Variants in CUL9 observed in about 807,000 individuals in gnomAD.
CUL9 encodes cullin 9, also known as cullin-9.
A neutral mutation model predicts 272.6 loss-of-function variants in CUL9; 79 were observed. The ratio of observed to expected loss-of-function variants is 0.29; its 90% confidence interval spans 0.24 to 0.35. The LOEUF (loss-of-function observed/expected upper bound fraction) is 0.35. CUL9 is among the 10% of genes least tolerant of loss of function. The pLI, the probability that CUL9 is intolerant of heterozygous loss-of-function variation, is 1.00. For missense variants in CUL9, 2,532 were observed against 3,255.6 expected (o/e 0.78, Z 5.41); for synonymous variants, 1,186 against 1,286.5 (o/e 0.92, Z 1.67).
chr6:43,184,511 G>A lies in CUL9; in HGVS notation c.201G>A (p.Leu67=), dbSNP rs1336999940. Residue 67 remains leucine, a synonymous_variant, in exon 2 of 41, where the codon CTG becomes CTA. Coordinates refer to ENST00000252050, the MANE Select transcript of CUL9 (RefSeq NM_015089.4). This position sits in a 1 kb window ranked among gnomAD's most constrained non-coding sequence, Gnocchi z 4.8. ...AAGCAGAGCACATCCTCATGTGGCT[G>A]TCGGCTCCTGAGGTCTACGCCAACT... ...EGKAEHILMW[L]SAPEVYANCP... is the part of the protein sequence containing the mutation. 6.2e-7 allele frequency: 1 copy of A among 1,612,740 alleles called. No homozygotes were observed. The highest frequency in any genetic ancestry group is 1.1e-5 in the South Asian group (1 of 90,934).
Position 43,199,452 on chromosome 6 carries a change from G to C in CUL9, c.3156+81G>C. 5 of 1,078,784 alleles carry C rather than the reference G, an allele frequency of 4.6e-6. No homozygotes were observed. Among genetic ancestry groups the C allele is most frequent in the Non-Finnish European group, 7.1e-6 (5 of 701,198 alleles). The allele number at this position is 1,078,784 out of a possible 1,614,324, so 66.8% of individuals were successfully genotyped here. ...TCCTTGTGAGGCTCTGGAGGGCACAGCAGAGCCTTTCTGAATGGATCTTGG... is the reference window on the plus strand; with the variant it reads ...TCCTTGTGAGGCTCTGGAGGGCACACCAGAGCCTTTCTGAATGGATCTTGG... On this transcript the variant is annotated intron_variant, in intron 13 of 40. Transcript: ENST00000252050. This position sits in a 1 kb window ranked among gnomAD's most constrained non-coding sequence, Gnocchi z 4.4.
In CUL9 at chr6:43,222,335, A is replaced by G; in HGVS notation, c.6866A>G (p.Gln2289Arg). 6.2e-7 allele frequency: 1 copy of G among 1,613,160 alleles called. No homozygotes were observed. The highest frequency in any genetic ancestry group is 8.5e-7 in the Non-Finnish European group (1 of 1,179,396). ...TGCTAGGTAAGCAAGGCAGCTCGCC[A>G]GGAGAAGCGGTTTCAGGACTATAAT... ...CSAMVSKAARQEKRFQDYNER... is the reference protein window; with the variant it reads ...CSAMVSKAARREKRFQDYNER... Residue 2289 changes from glutamine (Q) to arginine (R), a missense_variant, in exon 36 of 41, where the codon CAG (glutamine) becomes CGG (arginine). Coordinates refer to ENST00000252050, the MANE Select transcript of CUL9 (RefSeq NM_015089.4).
rs552782485 is a variant in CUL9, at chr6:43,215,272, G to A, written c.5882G>A (p.Arg1961Gln). The change falls in exon 30 of 41, where the codon CGG (arginine) becomes CAG (glutamine). Residue 1961 changes from arginine (R) to glutamine (Q), a missense_variant. This residue lies in a region of CUL9 where 2,218 missense variants were observed against 2,788.6 expected (regional missense o/e 0.80). Coordinates refer to ENST00000252050, the MANE Select transcript of CUL9 (RefSeq NM_015089.4). ...YAAPEPMGPCRGQADVPFCGS... is the reference protein window; with the variant it reads ...YAAPEPMGPCQGQADVPFCGS... ...GCTCCAGAGCCCATGGGGCCCTGCC[G>A]GGGTCAGGCAGATGTCCCTTTCTGT... 3.2e-5 allele frequency: 51 copies of A among 1,613,970 alleles called. No homozygotes were observed. The highest frequency in any genetic ancestry group is 2.7e-4 in the South Asian group (25 of 91,086).
In CUL9 at chr6:43,224,478, CCA is replaced by C. The variant is rs1562069021; in HGVS notation, c.*34_*35del. The stretch of plus-strand genomic sequence containing the variant: ...GATGCAGGAAACACCTAGAGCAGCC[CCA>C]GAGTCACGGGGCTGAGGGGGCGGGA... On this transcript the variant is annotated 3_prime_UTR_variant, in exon 41 of 41. Transcript: ENST00000252050. The surrounding 1 kb of genome is among the most constrained non-coding windows in gnomAD (Gnocchi z 4.2). 3.1e-6 allele frequency: 5 copies of C among 1,592,964 alleles called. No individual in the cohort carries two copies. The highest frequency in any genetic ancestry group is 1.3e-5 in the African/African-American group (1 of 74,240).
intron 21 of CUL9, 83 bp downstream of exon 21, chr6:43,204,622 T>C: frequency 6.3e-7 from 1 of 1,591,310 alleles, no homozygotes; most frequent in South Asian, 1.1e-5. Flanking sequence ...TTACTCTTGC[T>C]GCTTTGCTAC....
chr6:43,206,440 C>T lies in CUL9; in HGVS notation c.5142C>T (p.Tyr1714=). The stretch of plus-strand genomic sequence containing the variant: ...CCGTCTCCCCACTCTGCTACCTGTA[C>T]CATCCCAGAAAGTGCCTTCCCACAG... ...CWPVSPLCYL[Y]HPRKCLPTEF... The change falls in exon 26 of 41, where the codon TAC becomes TAT. Residue 1714 remains tyrosine (Y), a synonymous_variant. Transcript: ENST00000252050. This position sits in a 1 kb window ranked among gnomAD's most constrained non-coding sequence, Gnocchi z 4.8. 1.2e-6 allele frequency: 2 copies of T among 1,614,206 alleles called. No homozygotes were observed. The highest frequency in any genetic ancestry group is 2.2e-5 in the South Asian group (2 of 91,090).
chr6:43,193,259 T>C, intron 9 of CUL9, 51 bp downstream of exon 9: 1 of 1,543,598 alleles, frequency 6.5e-7, no homozygotes, highest in South Asian at 1.1e-5. Context: ...ACAGGCAGAC[T>C]GGGGACTACT....
intron 16 of CUL9, among the ~76,000 whole-genome samples, chr6:43,201,581 C>G (rs1774561195): frequency 1.3e-5 from 2 of 152,114 alleles, no homozygotes; most frequent in African/African-American, 4.8e-5. Context: ...CCGGGTTCAC[C>G]CCATTCTCCT....
Position 43,213,864 on chromosome 6 carries a change from C to G in CUL9, c.5640C>G (p.Leu1880=). 1 of 1,614,178 alleles carries G rather than the reference C, an allele frequency of 6.2e-7. No homozygotes were observed. The highest frequency in any genetic ancestry group is 8.5e-7 in the Non-Finnish European group (1 of 1,180,038). ...TGAGCTGTCTTCTTGTTCGTATTCTCAAAGCCCATGGGGAAAAGGGCCTCC... is the reference window on the plus strand; with the variant it reads ...TGAGCTGTCTTCTTGTTCGTATTCTGAAAGCCCATGGGGAAAAGGGCCTCC... The part of the protein sequence containing the change: ...NLLSCLLVRI[L]KAHGEKGLHI... Residue 1880 remains leucine (L), a synonymous_variant, in exon 29 of 41, where the codon CTC becomes CTG. Transcript: ENST00000252050. This position sits in a 1 kb window ranked among gnomAD's most constrained non-coding sequence, Gnocchi z 5.7.
chr6:43,196,374 C>A, intron 10 of CUL9, 109 bp downstream of exon 10: 1 of 1,117,240 alleles, frequency 9.0e-7, no homozygotes, highest in Non-Finnish European at 1.3e-6. Context: ...GCTGTCACCT[C>A]CGGATTAAGC....
chr6:43,187,711 A>G lies in CUL9; in HGVS notation c.1582-2A>G. 6.2e-7 allele frequency: 1 copy of G among 1,611,834 alleles called. No individual in the cohort carries two copies. The highest frequency in any genetic ancestry group is 1.1e-5 in the South Asian group (1 of 90,954). ...TTAAACGTATACCCCTTCTGTTGAC[A>G]GACCCTGGGTGAAAAGGCCCTAGGT... On this transcript the variant is annotated splice_acceptor_variant, in intron 6 of 40. Coordinates refer to ENST00000252050, the MANE Select transcript of CUL9 (RefSeq NM_015089.4). LOFTEE classifies it high-confidence loss of function.
At chr6:43,195,995 G>T in intron 9 of CUL9, 74 bp from the exon 10 acceptor site, 1 of 1,343,594 alleles carries the variant, frequency 7.4e-7, no homozygotes. Flanking sequence ...AAAGTTTGAG[G>T]TCTAGAATGA....
In CUL9 at chr6:43,221,801, AG is replaced by A. The variant is rs750565478; in HGVS notation, c.6846+26del. On this transcript the variant is annotated intron_variant, in intron 35 of 40. Coordinates refer to ENST00000252050, the MANE Select transcript of CUL9 (RefSeq NM_015089.4). The surrounding 1 kb of genome is among the most constrained non-coding windows in gnomAD (Gnocchi z 4.2). ...ATGGTAAGGCGCTGGGCACTAGGGG[AG>A]GGCAGAGGCCCAGAGCCGTCGGGGA... The A allele has an allele frequency of 3.1e-6, 5 of 1,603,566 alleles. No homozygotes were observed. The South Asian group carries it at 5.5e-5, about 18-fold the overall frequency.
rs752791502 is a variant in CUL9, at chr6:43,184,681, G to A, written c.371G>A (p.Arg124His). The change falls in exon 2 of 41, where the codon CGC becomes CAC. Residue 124 changes from arginine to histidine, a missense_variant. Around this residue, in one of 3 missense-constraint regions of CUL9, gnomAD observed 2,218 missense variants for 2,788.6 expected, o/e 0.80. Coordinates refer to ENST00000252050, the MANE Select transcript of CUL9 (RefSeq NM_015089.4). The surrounding 1 kb of genome is among the most constrained non-coding windows in gnomAD (Gnocchi z 4.8). ...GAGGCTGATGTTCAGGCGCTGGTACGCAGGGCGGCCAGGCAGCTGGCAGAA... is the reference window on the plus strand; with the variant it reads ...GAGGCTGATGTTCAGGCGCTGGTACACAGGGCGGCCAGGCAGCTGGCAGAA... ...EMEADVQALV[R>H]RAARQLAESG... The A allele has an allele frequency of 6.2e-7, 1 of 1,612,702 alleles. No homozygotes were observed. Among genetic ancestry groups the A allele is most frequent in the Non-Finnish European group, 8.5e-7 (1 of 1,178,778 alleles).
At chr6:43,191,910 C>CT (rs901802484) in intron 8 of CUL9, among the ~76,000 whole-genome samples, 206 of 139,102 alleles carry the variant, frequency 1.5e-3, no homozygotes, top group Admixed American at 1.7e-3. Flanking sequence ...ATGGTTCTTC[C>CT]TTTTTTTTTT....
rs1773669978 is a variant in CUL9, at chr6:43,193,022, G to C, written c.2202G>C (p.Leu734=). The C allele has an allele frequency of 6.2e-7, 1 of 1,614,014 alleles. No homozygotes were observed. Among genetic ancestry groups the C allele is most frequent in the African/African-American group, 1.3e-5 (1 of 74,944 alleles). ...TCAGAGAGAAGCTAGTGAAGATGCT[G>C]GTGGAGCTGCTGACCAACCAGGTGG... ...RSLREKLVKM[L]VELLTNQVGE... is the part of the protein sequence containing the mutation. The change falls in exon 9 of 41, where the codon CTG becomes CTC. Residue 734 remains leucine, a synonymous_variant. Transcript: ENST00000252050.
intron 1 of CUL9, among the ~76,000 whole-genome samples, chr6:43,182,492 G>A (rs1772483148): frequency 6.8e-6 from 1 of 146,470 alleles, no homozygotes; most frequent in South Asian, 2.1e-4. Flanking sequence ...GCTTGACCTT[G>A]CTATCTGCTG....
chr6:43,221,199 C>G lies in CUL9; in HGVS notation c.6630C>G (p.Val2210=), dbSNP rs182823976. 1 of 1,611,134 alleles carries G rather than the reference C, an allele frequency of 6.2e-7. No individual in the cohort carries two copies. Among genetic ancestry groups the G allele is most frequent in the African/African-American group, 1.3e-5 (1 of 74,842 alleles). Residue 2210 remains valine, a synonymous_variant, in exon 34 of 41, where the codon GTC becomes GTG. Transcript: ENST00000252050. This position sits in a 1 kb window ranked among gnomAD's most constrained non-coding sequence, Gnocchi z 4.2. The part of the protein sequence containing the change: ...PASCGHMSQW[V]DDGGYYDGMS... ...GCTGTGGCCATATGTCTCAGTGGGT[C>G]GACGACGGTGGCTACTATGACGGCA...
chr6:43,210,131 A>C (rs1775358998), intron 26 of CUL9, among the ~76,000 whole-genome samples: 1 of 151,948 alleles, frequency 6.6e-6, no homozygotes, highest in Non-Finnish European at 1.5e-5. Context: ...GGTGCCCACC[A>C]CCATGCCTGG....
Sources: allele counts gnomAD v4.1 joint callset (sites outside exome capture counted in the v4.1 genomes callset), GRCh38; gene constraint gnomAD v4.1.1; regional missense constraint gnomAD v4.1.1; non-coding constraint Gnocchi (gnomAD v3.1); transcripts MANE v1.5; gene names NCBI Gene and HGNC (gene_info 2026-07-23, HGNC 2026-07-21).